Variants in ADAM28 observed in about 807,000 individuals in gnomAD.
ADAM28 encodes the protein ADAM metallopeptidase domain 28.
ADAM28 carries 105 observed loss-of-function variants against 101.2 expected under a neutral mutation model. The ratio of observed to expected loss-of-function variants is 1.04; its 90% CI spans 0.89 to 1.22. ADAM28 has a LOEUF of 1.22. Among genes scored for constraint, ADAM28 ranks in the 50% most tolerant of loss-of-function variants. The pLI, the probability that ADAM28 is intolerant of heterozygous loss-of-function variation, is 0.00. For synonymous variants in ADAM28, 322 were observed against 310.6 expected (o/e 1.04, Z -0.39); for missense variants, 1,028 against 945.4 (o/e 1.09, Z -1.15).
chr8:24,328,401 C>CA (rs978920143), intron 10 of ADAM28, among the ~76,000 whole-genome samples: 1 of 151,642 alleles, frequency 6.6e-6, no homozygotes, highest in Admixed American at 6.6e-5. Context: ...ATGGAATTAA[C>CA]ATATTTTTTA....
chr8:24,358,198 C>T lies in ADAM28; in HGVS notation c.*3794C>T, dbSNP rs1816802972. ...TTTCAGAAGTACATGCTTTCTCAGC[C>T]ACTTGACTAGTATGTTCCCCATCAT... is the stretch of plus-strand genomic sequence containing the variant. On this transcript the variant is annotated 3_prime_UTR_variant, in exon 23 of 23. Coordinates refer to ENST00000265769, the MANE Select transcript of ADAM28 (RefSeq NM_014265.6). 1.3e-5 allele frequency: 2 copies of T among 152,140 alleles called. No individual in the cohort carries two copies. Among genetic ancestry groups the T allele is most frequent in the Non-Finnish European group, 2.9e-5 (2 of 68,026 alleles). 9.4% of individuals were successfully genotyped at this position (152,140 alleles called of 1,614,324 possible).
intron 20 of ADAM28, chr8:24,351,583 C>G: frequency 1.9e-6 from 1 of 525,990 alleles, no homozygotes; most frequent in Non-Finnish European, 3.4e-6. Flanking sequence ...GCTTCATTCT[C>G]TCTCCCTCTC....
chr8:24,328,944 A>T (rs1191286688), intron 10 of ADAM28, among the ~76,000 whole-genome samples: 1 of 151,892 alleles, frequency 6.6e-6, no homozygotes, highest in Admixed American at 6.6e-5. Context: ...TGGACCTCAA[A>T]GGGTAGGTAG....
In ADAM28 at chr8:24,321,417, C is replaced by G. The variant is rs1811863682; in HGVS notation, c.720+128C>G. On this transcript the variant is annotated intron_variant, in intron 8 of 22. Coordinates refer to ENST00000265769, the MANE Select transcript of ADAM28 (RefSeq NM_014265.6). ...TTGAGACCAATGTGGCTGACTGGCT[C>G]CCAAAGGATGACCACAACTTTTGCT... The G allele has an allele frequency of 1.0e-5, 8 of 790,318 alleles. No homozygotes were observed. The Admixed American group carries it at 1.5e-4, about 15-fold the overall frequency. The allele number at this position is 790,318 out of a possible 1,614,324, so 49.0% of individuals were successfully genotyped here.
chr8:24,303,318 A>G (rs1178737080), intron 2 of ADAM28, among the ~76,000 whole-genome samples: 1 of 152,092 alleles, frequency 6.6e-6, no homozygotes, highest in African/African-American at 2.4e-5. Context: ...TAATTTTTGT[A>G]TAAGGTGGAA....
chr8:24,316,543 C>A (rs1811185773), intron 6 of ADAM28, among the ~76,000 whole-genome samples: 1 of 151,950 alleles, frequency 6.6e-6, no homozygotes. Flanking sequence ...TGTCTCAGCC[C>A]AAGCATTAAG....
rs1157667049 is a variant in ADAM28, at chr8:24,357,614, C to A, written c.*3210C>A. The stretch of plus-strand genomic sequence containing the variant: ...ATGATCCAATCACCTCCCACCTGGT[C>A]CCTCCCTCAACATGTGGAGATTATA... On this transcript the variant is annotated 3_prime_UTR_variant, in exon 23 of 23. Coordinates refer to ENST00000265769, the MANE Select transcript of ADAM28 (RefSeq NM_014265.6). 1.3e-5 allele frequency: 2 copies of A among 152,116 alleles called. No homozygotes were observed. Among genetic ancestry groups the A allele is most frequent in the African/African-American group, 2.4e-5 (1 of 41,434 alleles). The allele number at this position is 152,116 out of a possible 1,614,324, so 9.4% of individuals were successfully genotyped here.
intron 2 of ADAM28, among the ~76,000 whole-genome samples, chr8:24,305,706 T>C (rs1300393852): frequency 6.6e-6 from 1 of 151,990 alleles, no homozygotes; most frequent in East Asian, 1.9e-4. Flanking sequence ...AAATGGAAAA[T>C]CTTTTATTTT....
Position 24,349,845 on chromosome 8 carries a change from C to A in ADAM28, c.1991-19C>A. On this transcript the variant is annotated intron_variant, in intron 18 of 22. Transcript: ENST00000265769. Reference sequence around the variant, plus strand: ...GTGTGTTTCTGCAGTCCTCAGCGGGCCCCTGTTCTCTGCTGCAGACTTCTC... The same window carrying A: ...GTGTGTTTCTGCAGTCCTCAGCGGGACCCTGTTCTCTGCTGCAGACTTCTC... 1 of 1,605,660 alleles carries A rather than the reference C, an allele frequency of 6.2e-7. No individual in the cohort carries two copies. Among genetic ancestry groups the A allele is most frequent in the Non-Finnish European group, 8.5e-7 (1 of 1,172,864 alleles).
chr8:24,305,451 C>CCTTTTTTT (rs1231715996), intron 2 of ADAM28, among the ~76,000 whole-genome samples: 6 of 65,446 alleles, frequency 9.2e-5, no homozygotes, highest in Non-Finnish European at 1.5e-4. Flanking sequence ...TAAGAGGTTT[C>CCTTTTTTT]TTTTTTTTTT....
rs5890146 is a variant in ADAM28, at chr8:24,325,871, C to CAAAAAAAAAAA, written c.891-664_891-654dup. On this transcript the variant is annotated intron_variant, in intron 9 of 22. Transcript: ENST00000265769. Reference sequence around the variant, plus strand: ...AAGGGCCAGGATCTTGTACAGATAGCAAAAAAAAAAAAAAAAAAAAAAAAA... The same window carrying CAAAAAAAAAAA: ...AAGGGCCAGGATCTTGTACAGATAGCAAAAAAAAAAAAAAAAAAAAAAAAAAAAAAAAAAAA... Among the ~76,000 whole-genome samples, 45 of 20,404 alleles carry CAAAAAAAAAAA rather than the reference C, an allele frequency of 2.2e-3. 3 individuals carry two copies. Among genetic ancestry groups the CAAAAAAAAAAA allele is most frequent in the South Asian group, 6.3e-3 (2 of 318 alleles). The allele number at this position is 20,404 out of a possible 152,430, so 13.4% of individuals were successfully genotyped here.
intron 19 of ADAM28, among the ~76,000 whole-genome samples, chr8:24,350,921 T>C (rs537731714): frequency 6.6e-6 from 1 of 151,736 alleles, no homozygotes; most frequent in East Asian, 1.9e-4. Context: ...TATTTACTCA[T>C]GATGAGTTTT....
intron 1 of ADAM28, among the ~76,000 whole-genome samples, chr8:24,299,144 G>GT (rs778743220): frequency 6.6e-6 from 1 of 152,186 alleles, no homozygotes; most frequent in Non-Finnish European, 1.5e-5. Context: ...AGTGAACCCT[G>GT]TTTGTGCCTC....
At chr8:24,303,219 G>A (rs1809075081) in intron 2 of ADAM28, among the ~76,000 whole-genome samples, 1 of 152,016 alleles carries the variant, frequency 6.6e-6, no homozygotes, top group Admixed American at 6.6e-5. Context: ...TTTTGCCTGT[G>A]CTTATGTCCT....
At chr8:24,295,692 T>C (rs185179490) in intron 1 of ADAM28, 3 of 152,312 alleles carry the variant, frequency 2.0e-5, no homozygotes, top group Admixed American at 1.3e-4. Flanking sequence ...CGACGGTGCA[T>C]GTATAACATG....
intron 16 of ADAM28, 85 bp from the exon 17 acceptor site, chr8:24,343,016 A>G (rs1814972903): frequency 1.3e-6 from 2 of 1,581,386 alleles, no homozygotes; most frequent in East Asian, 4.5e-5. Flanking sequence ...CTTAAACAAC[A>G]TCTGCTAGCC....
intron 15 of ADAM28, 112 bp downstream of exon 15, chr8:24,339,680 C>A (rs936483441): frequency 1.3e-5 from 12 of 913,002 alleles, no homozygotes; most frequent in Non-Finnish European, 2.0e-5. Flanking sequence ...GGTCATCAAT[C>A]ATTTGACAAA....
rs182798359 is a variant in ADAM28, at chr8:24,296,828, G to T, written c.46+2633G>T. On this transcript the variant is annotated intron_variant, in intron 1 of 22. Transcript: ENST00000265769. ...TGTAATCCCTGGATGGCAGTTAGTT[G>T]TGTTTGTTCCTCAGGCTTCAAAAAT... Among the ~76,000 whole-genome samples the T allele has an allele frequency of 3.9e-4, 59 of 152,318 alleles. 1 individual carries two copies. The highest frequency in any genetic ancestry group is 3.3e-3 in the Admixed American group (51 of 15,298).
chr8:24,335,262 C>A (rs998834741), intron 13 of ADAM28, among the ~76,000 whole-genome samples, 184 bp from the exon 14 acceptor site: 1 of 151,602 alleles, frequency 6.6e-6, no homozygotes, highest in Non-Finnish European at 1.5e-5. Context: ...GGGCATTAAC[C>A]AATATTAATA....
Sources: gnomAD v4.1 joint callset for allele counts (sites outside exome capture counted in the v4.1 genomes callset) on GRCh38, gnomAD v4.1.1 for gene constraint, MANE v1.5 for transcripts, NCBI Gene and HGNC (gene_info 2026-07-23, HGNC 2026-07-21) for gene names.